The following SMYD2 variants were observed in gnomAD, a reference collection of about 807,000 sequenced individuals.
The protein encoded by SMYD2 is SET and MYND domain containing 2, also known as N-lysine methyltransferase SMYD2.
Under a neutral mutation model 59.1 loss-of-function variants are expected in SMYD2, and 53 were observed. That is an observed-to-expected ratio of 0.90 (90% confidence interval 0.72 to 1.13). The LOEUF (loss-of-function observed/expected upper bound fraction) is 1.13, where lower values mean the gene tolerates loss of function less well. Among genes scored for constraint, SMYD2 ranks in the 50% most tolerant of loss-of-function variants. The probability of loss-of-function intolerance (pLI) is 0.00; values close to 1 mark genes in which losing one functional copy is unlikely to be tolerated. For synonymous variants in SMYD2, 208 were observed against 198.8 expected (o/e 1.05, Z -0.39); for missense variants, 494 against 544.7 (o/e 0.91, Z 0.93).
chr1:214,284,253 GGTTTTTTTT>G (rs1656495746), intron 1 of SMYD2, among the ~76,000 whole-genome samples: 1 of 76,820 alleles, frequency 1.3e-5, no homozygotes, highest in South Asian at 3.9e-4. Flanking sequence ...TTTTTGGTGT[GGTTTTTTTT>G]TTTTTTTTTT....
At chr1:214,316,593 A>G (rs1459955824) in intron 3 of SMYD2, among the ~76,000 whole-genome samples, 2 of 152,166 alleles carry the variant, frequency 1.3e-5, no homozygotes, top group South Asian at 2.1e-4. Context: ...TCTAAGCCAA[A>G]TGTGATGGAA....
intron 1 of SMYD2, among the ~76,000 whole-genome samples, chr1:214,286,995 A>G (rs1240363122): frequency 6.6e-6 from 1 of 151,392 alleles, no homozygotes; most frequent in African/African-American, 2.4e-5. Context: ...TGCCTGGCTA[A>G]TTTTTGTATT....
intron 1 of SMYD2, among the ~76,000 whole-genome samples, chr1:214,293,713 G>A (rs1437582428): frequency 2.0e-5 from 3 of 152,126 alleles, no homozygotes; most frequent in African/African-American, 7.2e-5. Flanking sequence ...TTTTGCTCTT[G>A]TTGCCCAGGC....
chr1:214,314,166 ACT>A (rs1172352878), intron 2 of SMYD2, among the ~76,000 whole-genome samples: 2 of 150,354 alleles, frequency 1.3e-5, no homozygotes, highest in Admixed American at 6.6e-5. Context: ...ACAGAGCGAG[ACT>A]CTGTCTCAAA....
chr1:214,322,766 A>C (rs1448590640), intron 5 of SMYD2, among the ~76,000 whole-genome samples: 1 of 152,202 alleles, frequency 6.6e-6, no homozygotes, highest in African/African-American at 2.4e-5. Context: ...ATCCTTGAGC[A>C]AGTCACTTAA....
chr1:214,298,209 T>C (rs185417090), intron 1 of SMYD2, among the ~76,000 whole-genome samples: 1 of 152,172 alleles, frequency 6.6e-6, no homozygotes, highest in East Asian at 1.9e-4. Flanking sequence ...AACAGAGACA[T>C]AGACCAGCAG....
At chr1:214,290,220 A>C (rs1361065049) in intron 1 of SMYD2, among the ~76,000 whole-genome samples, 2 of 152,258 alleles carry the variant, frequency 1.3e-5, no homozygotes, top group Non-Finnish European at 2.9e-5. Flanking sequence ...AATACAAAAA[A>C]GTCTTGAAGG....
At chr1:214,285,696 A>G (rs567760973) in intron 1 of SMYD2, among the ~76,000 whole-genome samples, 4 of 151,824 alleles carry the variant, frequency 2.6e-5, no homozygotes, top group African/African-American at 7.3e-5. Context: ...CAAGGTTTCC[A>G]TGTACATTAA....
intron 1 of SMYD2, among the ~76,000 whole-genome samples, chr1:214,287,377 A>G (rs955543561): frequency 6.6e-6 from 1 of 151,564 alleles, no homozygotes; most frequent in African/African-American, 2.4e-5. Context: ...ACCTGAGGTC[A>G]GGAGTTTGAG....
intron 5 of SMYD2, 133 bp downstream of exon 5, chr1:214,319,116 T>C: frequency 4.1e-6 from 5 of 1,207,200 alleles, no homozygotes; most frequent in Non-Finnish European, 4.6e-6. Context: ...TCTGAGCCAA[T>C]TGGACCGTGT....
At chr1:214,286,600 G>C (rs1010558541) in intron 1 of SMYD2, among the ~76,000 whole-genome samples, 45 of 152,006 alleles carry the variant, frequency 3.0e-4, no homozygotes, top group Non-Finnish European at 6.0e-4. Flanking sequence ...GTGAAACCCT[G>C]TCTCCTCTGA....
rs371702884 is a variant in SMYD2, at chr1:214,334,213, T to C, written c.1126T>C (p.Leu376=). Residue 376 remains leucine, a synonymous_variant, in exon 11 of 12, where the codon TTG becomes CTG. Transcript: ENST00000366957. ...IIKPYSKHYP[L]YSLNVASMWL... ...CTCTTGTTCTAGTAAGCACTATCCT[T>C]TGTACTCCCTCAACGTGGCCTCCAT... 2.6e-4 allele frequency: 420 copies of C among 1,613,786 alleles called. No individual in the cohort carries two copies. The highest frequency in any genetic ancestry group is 3.4e-4 in the Non-Finnish European group (407 of 1,179,966).
intron 2 of SMYD2, among the ~76,000 whole-genome samples, chr1:214,307,667 A>C (rs1656935218): frequency 6.6e-6 from 1 of 152,150 alleles, no homozygotes; most frequent in Non-Finnish European, 1.5e-5. Flanking sequence ...AGGCCTCATG[A>C]GGTGGCAGTA....
intron 1 of SMYD2, among the ~76,000 whole-genome samples, chr1:214,298,450 C>A (rs950595185): frequency 6.6e-6 from 1 of 152,132 alleles, no homozygotes; most frequent in African/African-American, 2.4e-5. Context: ...CTGTAAAAAT[C>A]CTAGAACACC....
intron 11 of SMYD2, among the ~76,000 whole-genome samples, 161 bp downstream of exon 11, chr1:214,334,469 G>C (rs189630683): frequency 1.3e-5 from 2 of 152,118 alleles, no homozygotes; most frequent in South Asian, 2.1e-4. Context: ...CTGCAGGTGA[G>C]GGGGGAGTGA....
chr1:214,296,221 A>G (rs1656725131), intron 1 of SMYD2, among the ~76,000 whole-genome samples: 1 of 152,238 alleles, frequency 6.6e-6, no homozygotes. Context: ...TGTTAATTAC[A>G]TTTCTAACTT....
chr1:214,328,198 C>T (rs561639655), intron 7 of SMYD2, among the ~76,000 whole-genome samples: 8 of 152,260 alleles, frequency 5.3e-5, no homozygotes, highest in African/African-American at 1.7e-4. Flanking sequence ...AAGCAAGCAA[C>T]GCAGCAGTAG....
chr1:214,296,741 A>G (rs1209035381), intron 1 of SMYD2, among the ~76,000 whole-genome samples: 1 of 151,046 alleles, frequency 6.6e-6, no homozygotes, highest in Non-Finnish European at 1.5e-5. Flanking sequence ...AACTTGCCCA[A>G]GATCACATAG....
In SMYD2 at chr1:214,312,243, T is replaced by C. The variant is rs563507069; in HGVS notation, c.238-2519T>C. ...CCATAGACTGCATTAAATCATTAAGTGACATTATGTGCTTCCTTCTTGGGG... is the reference window on the plus strand; with the variant it reads ...CCATAGACTGCATTAAATCATTAAGCGACATTATGTGCTTCCTTCTTGGGG... On this transcript the variant is annotated intron_variant, in intron 2 of 11. Coordinates refer to ENST00000366957, the MANE Select transcript of SMYD2 (RefSeq NM_020197.3). The surrounding 1 kb of genome is among the most constrained non-coding windows in gnomAD (Gnocchi z 4.1). 2.6e-5 allele frequency among the ~76,000 whole-genome samples: 4 copies of C among 152,272 alleles called. No homozygotes were observed. Among genetic ancestry groups the C allele is most frequent in the African/African-American group, 9.6e-5 (4 of 41,546 alleles).
Sources: allele counts gnomAD v4.1 joint callset (sites outside exome capture counted in the v4.1 genomes callset), GRCh38; gene constraint gnomAD v4.1.1; non-coding constraint Gnocchi (gnomAD v3.1); transcripts MANE v1.5; gene names NCBI Gene and HGNC (gene_info 2026-07-23, HGNC 2026-07-21).